PCNX2: variants seen among roughly 807,000 people sequenced by gnomAD.
The protein encoded by PCNX2 is pecanex 2.
PCNX2 carries 168 observed loss-of-function variants against 223.8 expected under a neutral mutation model. The ratio of observed to expected loss-of-function variants is 0.75; its 90% confidence interval spans 0.66 to 0.85. The LOEUF (loss-of-function observed/expected upper bound fraction) is 0.85, where lower values mean the gene tolerates loss of function less well. Ranked by LOEUF, PCNX2 falls within the 40% of genes least tolerant of loss-of-function variation. PCNX2 has a pLI of 0.00. For synonymous variants in PCNX2, 1,006 were observed against 1,052.6 expected (o/e 0.96, Z 0.86); for missense variants, 2,507 against 2,675.5 (o/e 0.94, Z 1.39).
chr1:233,106,347 C>CTTTTTTTTT (rs912803573), intron 21 of PCNX2, among the ~76,000 whole-genome samples: 4 of 115,686 alleles, frequency 3.5e-5, no homozygotes, highest in Non-Finnish European at 7.0e-5. Flanking sequence ...TCTCCTCCCT[C>CTTTTTTTTT]TTTTTTTTTT....
intron 26 of PCNX2, among the ~76,000 whole-genome samples, chr1:233,019,609 C>T (rs912794606): frequency 6.6e-6 from 1 of 152,106 alleles, no homozygotes; most frequent in Non-Finnish European, 1.5e-5. Context: ...CCTTTGACAT[C>T]TGTGACTTAC....
At chr1:233,100,569 A>G (rs759738791) in intron 21 of PCNX2, among the ~76,000 whole-genome samples, 16 of 152,156 alleles carry the variant, frequency 1.1e-4, no homozygotes, top group Non-Finnish European at 2.1e-4. Flanking sequence ...TCTGCTATAG[A>G]TAGTAAATAC....
chr1:233,037,526 T>A (rs1480010033), intron 25 of PCNX2, among the ~76,000 whole-genome samples: 1 of 116,496 alleles, frequency 8.6e-6, no homozygotes, highest in South Asian at 2.4e-4. Flanking sequence ...TTCTTTCTTT[T>A]TTAGAGATGG....
intron 25 of PCNX2, among the ~76,000 whole-genome samples, chr1:233,052,496 C>T (rs1206696015): frequency 6.6e-6 from 1 of 152,162 alleles, no homozygotes; most frequent in African/African-American, 2.4e-5. Flanking sequence ...GCAGGTAAGG[C>T]CCTTCCTCTT....
chr1:233,289,437 G>C, intron 1 of PCNX2: 1 of 1,399,022 alleles, frequency 7.1e-7, no homozygotes, highest in African/African-American at 1.4e-5. Context: ...CTTGGCGCTC[G>C]TACTGAACAT....
intron 25 of PCNX2, among the ~76,000 whole-genome samples, chr1:233,036,922 C>T (rs1572035045): frequency 6.6e-6 from 1 of 152,202 alleles, no homozygotes. Flanking sequence ...GCTTTCCCTG[C>T]GATAGCAAAG....
chr1:232,999,979 G>A (rs1017220456), intron 30 of PCNX2, among the ~76,000 whole-genome samples: 1 of 152,206 alleles, frequency 6.6e-6, no homozygotes, highest in Non-Finnish European at 1.5e-5. Context: ...AAAGGTGTGG[G>A]TTCTAGAGAA....
chr1:233,168,830 G>C (rs1412759137), intron 17 of PCNX2, among the ~76,000 whole-genome samples: 2 of 151,988 alleles, frequency 1.3e-5, no homozygotes, highest in Admixed American at 1.3e-4. Context: ...TGATGTCTAA[G>C]AGATTTCATC....
chr1:233,005,541 T>C (rs1670252755), intron 28 of PCNX2, among the ~76,000 whole-genome samples: 1 of 152,206 alleles, frequency 6.6e-6, no homozygotes, highest in Non-Finnish European at 1.5e-5. Flanking sequence ...ATTCCATTAT[T>C]GAAATGATTC....
intron 21 of PCNX2, among the ~76,000 whole-genome samples, chr1:233,128,286 G>A (rs1031814103): frequency 1.3e-5 from 2 of 152,036 alleles, no homozygotes; most frequent in African/African-American, 4.8e-5. Flanking sequence ...TTTACATCCT[G>A]TGACAACCCA....
At chr1:233,200,347 T>C in intron 13 of PCNX2, 83 bp from the exon 14 acceptor site, 1 of 785,504 alleles carries the variant, frequency 1.3e-6, no homozygotes, top group Non-Finnish European at 2.0e-6. Context: ...CTCTCTCCCC[T>C]TCCAAACCAC....
intron 8 of PCNX2, among the ~76,000 whole-genome samples, chr1:233,246,658 G>C (rs790065): frequency 0.012 from 1,880 of 152,250 alleles, 38 homozygotes; most frequent in African/African-American, 0.042. Context: ...CCATAATATT[G>C]CACATGGGAA....
chr1:233,277,991 T>C (rs962585988), intron 1 of PCNX2, among the ~76,000 whole-genome samples: 1 of 152,228 alleles, frequency 6.6e-6, no homozygotes, highest in East Asian at 1.9e-4. Context: ...TCATTCTTTA[T>C]TGATTAATTA....
At chr1:233,130,785 C>A (rs1187965289) in intron 21 of PCNX2, among the ~76,000 whole-genome samples, 2 of 151,564 alleles carry the variant, frequency 1.3e-5, no homozygotes, top group African/African-American at 2.4e-5. Flanking sequence ...GCCCGGCACC[C>A]CCCCCTTTTT....
At chr1:233,037,975 T>C (rs902542441) in intron 25 of PCNX2, among the ~76,000 whole-genome samples, 5 of 152,376 alleles carry the variant, frequency 3.3e-5, no homozygotes, top group South Asian at 2.1e-4. Context: ...AGTATCTCAT[T>C]TGATGTACAC....
intron 21 of PCNX2, chr1:233,113,089 G>T: frequency 8.8e-7 from 1 of 1,130,364 alleles, no homozygotes. Context: ...GCCACAGGCT[G>T]TGGTCACAAC....
At chr1:233,032,484 C>G (rs1388530643) in intron 25 of PCNX2, among the ~76,000 whole-genome samples, 1 of 152,160 alleles carries the variant, frequency 6.6e-6, no homozygotes, top group Non-Finnish European at 1.5e-5. Context: ...ACTGGTTAAA[C>G]AGCAGACCTC....
intron 25 of PCNX2, among the ~76,000 whole-genome samples, chr1:233,028,837 T>TC (rs1384219157): frequency 6.1e-5 from 9 of 148,234 alleles, no homozygotes; most frequent in Non-Finnish European, 6.0e-5. Flanking sequence ...TTCTTTCCAG[T>TC]CCTTTTTTTT....
chr1:233,297,383 CAA>C (rs1158805615), upstream of PCNX2, among the ~76,000 whole-genome samples: 3 of 152,194 alleles, frequency 2.0e-5, no homozygotes, highest in Non-Finnish European at 4.4e-5. Context: ...GCAGGAAAAT[CAA>C]AGACTTGCAA....
Sources: allele counts gnomAD v4.1 joint callset (sites outside exome capture counted in the v4.1 genomes callset), GRCh38; gene constraint gnomAD v4.1.1; transcripts MANE v1.5; gene names NCBI Gene and HGNC (gene_info 2026-07-23, HGNC 2026-07-21).